The following FSTL4 variants were observed in gnomAD, a reference collection of about 807,000 sequenced individuals.
FSTL4 encodes the protein follistatin-related protein 4.
FSTL4 carries 28 observed loss-of-function variants against 78.2 expected under a neutral mutation model. The observed-to-expected ratio is 0.36, with a 90% CI of 0.27 to 0.49. FSTL4 has a LOEUF of 0.49. Among genes scored for constraint, FSTL4 ranks in the 20% least tolerant of loss-of-function variants. FSTL4 has a pLI of 0.98. For synonymous variants in FSTL4, 422 were observed against 440.5 expected (o/e 0.96, Z 0.53); for missense variants, 922 against 1,084.9 (o/e 0.85, Z 2.11).
intron 6 of FSTL4, among the ~76,000 whole-genome samples, chr5:133,250,707 A>C (rs1479333941): frequency 1.3e-5 from 2 of 152,150 alleles, no homozygotes; most frequent in Non-Finnish European, 2.9e-5. Flanking sequence ...GGGAGAGGGG[A>C]AGAGGGAGCG....
chr5:133,695,630 C>T, the FSTL4 span, among the ~76,000 whole-genome samples: 1 of 152,182 alleles, frequency 6.6e-6, no homozygotes, highest in Non-Finnish European at 1.5e-5. Flanking sequence ...ACCCAACATT[C>T]AAGTCCAGCT....
the FSTL4 span, among the ~76,000 whole-genome samples, chr5:133,729,315 A>C: frequency 6.6e-6 from 1 of 152,026 alleles, no homozygotes; most frequent in Non-Finnish European, 1.5e-5. Flanking sequence ...GCAGATTGTC[A>C]AGGTTTGAAT....
At position 133,199,390 on chromosome 5, in the gene FSTL4, T is replaced by G. The variant is rs1372492170; in HGVS notation, c.2234A>C (p.Glu745Ala). The change falls in exon 16 of 16, where the codon GAA becomes GCA. Residue 745 changes from glutamate to alanine, a missense_variant. Transcript: ENST00000265342. This position sits in a 1 kb window ranked among gnomAD's most constrained non-coding sequence, Gnocchi z 4.4. ...CGCGTAGATGTTGTATTGATTGCTT[T>G]CAGTGAAGGAGCGCTGGAAGGCCAA... ...SDLAFQRSFT[E>A]SNQYNIYAAL... 3.1e-6 allele frequency: 5 copies of G among 1,614,190 alleles called. No individual in the cohort carries two copies. In the Admixed American group the frequency reaches 8.3e-5, roughly 27 times the overall value.
chr5:133,779,986 G>A, the FSTL4 span, among the ~76,000 whole-genome samples: 3 of 152,220 alleles, frequency 2.0e-5, no homozygotes, highest in Admixed American at 2.0e-4. Flanking sequence ...AAGGCCTACA[G>A]AGGGCGTCTG....
the FSTL4 span, among the ~76,000 whole-genome samples, chr5:133,841,526 C>T: frequency 6.6e-6 from 1 of 152,194 alleles, no homozygotes; most frequent in Non-Finnish European, 1.5e-5. Context: ...CTACTATGTA[C>T]CAGATGGCCT....
the FSTL4 span, among the ~76,000 whole-genome samples, chr5:133,790,905 C>T: frequency 6.6e-6 from 1 of 152,344 alleles, no homozygotes; most frequent in South Asian, 2.1e-4. Flanking sequence ...CCACCCTTGC[C>T]CCAGAATGCT....
upstream of FSTL4, among the ~76,000 whole-genome samples, chr5:133,617,107 C>T (rs1406687637): frequency 6.6e-6 from 1 of 151,970 alleles, no homozygotes; most frequent in Non-Finnish European, 1.5e-5. Flanking sequence ...GAGACCATCC[C>T]GGCCAACATG....
At chr5:133,676,254 G>C in the FSTL4 span, among the ~76,000 whole-genome samples, 1 of 152,138 alleles carries the variant, frequency 6.6e-6, no homozygotes, top group African/African-American at 2.4e-5. Flanking sequence ...AAATAAACGA[G>C]GTCTACACAT....
intron 6 of FSTL4, among the ~76,000 whole-genome samples, chr5:133,273,895 G>C (rs778772249): frequency 6.6e-6 from 1 of 152,124 alleles, no homozygotes; most frequent in Non-Finnish European, 1.5e-5. Flanking sequence ...ACACAGCGGA[G>C]TTCCCTTCTG....
intron 3 of FSTL4, among the ~76,000 whole-genome samples, chr5:133,516,702 C>G (rs1580759979): frequency 6.6e-6 from 1 of 152,300 alleles, no homozygotes; most frequent in East Asian, 1.9e-4. Flanking sequence ...AAAAGGCAGT[C>G]TGAGGTGTTG....
At chr5:133,808,669 G>A in the FSTL4 span, among the ~76,000 whole-genome samples, 2,183 of 152,204 alleles carry the variant, frequency 0.014, 64 homozygotes, top group African/African-American at 0.05. Flanking sequence ...TGAGCCTTCC[G>A]AAATATTTTC....
At chr5:133,316,735 A>C in intron 4 of FSTL4, 83 bp from the exon 5 acceptor site, 6 of 1,163,204 alleles carry the variant, frequency 5.2e-6, no homozygotes, top group Non-Finnish European at 7.4e-6. Flanking sequence ...CATTCATCTC[A>C]CTCACAAATA....
intron 4 of FSTL4, chr5:133,388,344 T>A (rs1755754931): frequency 6.6e-6 from 1 of 152,242 alleles, no homozygotes; most frequent in African/African-American, 2.4e-5. Flanking sequence ...GATCACCATT[T>A]GATAAGTGTA....
intron 2 of FSTL4, among the ~76,000 whole-genome samples, chr5:133,601,168 G>A (rs12652956): frequency 0.23 from 34,254 of 152,164 alleles, 4,087 homozygotes; most frequent in East Asian, 0.29. Context: ...TATGCCCTGC[G>A]CTGAAATACC....
chr5:133,598,623 T>C, intron 2 of FSTL4, among the ~76,000 whole-genome samples: 1 of 152,156 alleles, frequency 6.6e-6, no homozygotes, highest in East Asian at 1.9e-4. Context: ...GGCTAAGTGT[T>C]AGGGGCCCAG....
intron 4 of FSTL4, among the ~76,000 whole-genome samples, chr5:133,398,389 T>C (rs996228938): frequency 6.6e-6 from 1 of 152,154 alleles, no homozygotes; most frequent in Non-Finnish European, 1.5e-5. Flanking sequence ...AGGTGGACAT[T>C]GCTGGGAGAG....
chr5:133,575,056 T>C (rs1167943893), intron 2 of FSTL4: 1 of 152,174 alleles, frequency 6.6e-6, no homozygotes, highest in Non-Finnish European at 1.5e-5. Context: ...TACTATATAT[T>C]TGATATGCTC....
chr5:133,474,789 T>C (rs1208589972), intron 3 of FSTL4, among the ~76,000 whole-genome samples: 1 of 152,232 alleles, frequency 6.6e-6, no homozygotes, highest in Non-Finnish European at 1.5e-5. Context: ...AGCAGCTTCC[T>C]TTAAACGCAG....
the FSTL4 span, among the ~76,000 whole-genome samples, chr5:133,800,158 A>G: frequency 7.2e-6 from 1 of 138,846 alleles, no homozygotes; most frequent in African/African-American, 2.6e-5. Context: ...GAGTTTACAA[A>G]ACAGGCTTAT....
Sources: allele counts gnomAD v4.1 joint callset (sites outside exome capture counted in the v4.1 genomes callset), GRCh38; gene constraint gnomAD v4.1.1; non-coding constraint Gnocchi (gnomAD v3.1); transcripts MANE v1.5; gene names NCBI Gene and HGNC (gene_info 2026-07-23, HGNC 2026-07-21).